PI4K2B: variants seen among roughly 807,000 people sequenced by gnomAD.
PI4K2B encodes the protein phosphatidylinositol 4-kinase type 2 beta, also known as phosphatidylinositol 4-kinase type 2-beta.
In PI4K2B, 46 loss-of-function variants were observed where a neutral mutation model predicts 56.6. That is an observed-to-expected ratio of 0.81 (90% CI 0.64 to 1.04). The LOEUF is 1.04. Among genes scored for constraint, PI4K2B ranks in the 50% least tolerant of loss-of-function variants. The probability of loss-of-function intolerance (pLI) is 0.00; values close to 1 mark genes in which losing one functional copy is unlikely to be tolerated. For synonymous variants in PI4K2B, 211 were observed against 223.8 expected, an observed-to-expected ratio of 0.94 and a Z score of 0.51; for missense variants, 556 against 607.7, an observed-to-expected ratio of 0.91 and a Z score of 0.89.
intron 6 of PI4K2B, among the ~76,000 whole-genome samples, chr4:25,263,498 G>T (rs925179949): frequency 6.6e-6 from 1 of 151,938 alleles, no homozygotes; most frequent in Non-Finnish European, 1.5e-5. Context: ...CTTTTAAAGA[G>T]AAAAAACTTG....
intron 6 of PI4K2B, among the ~76,000 whole-genome samples, chr4:25,261,433 GATATTTAC>G (rs553759240): frequency 6.1e-4 from 93 of 152,202 alleles, no homozygotes; most frequent in Non-Finnish European, 1.3e-3. Flanking sequence ...TGAAGTTTTA[GATATTTAC>G]ATAAGATTTT....
intron 9 of PI4K2B, among the ~76,000 whole-genome samples, chr4:25,272,726 C>G (rs547879660): frequency 6.6e-6 from 1 of 151,922 alleles, no homozygotes; most frequent in African/African-American, 2.4e-5. Context: ...TTGGGCCAGG[C>G]GTGTTGGCTC....
At chr4:25,270,076 A>G (rs1716822735) in intron 9 of PI4K2B, among the ~76,000 whole-genome samples, 1 of 152,140 alleles carries the variant, frequency 6.6e-6, no homozygotes, top group South Asian at 2.1e-4. Flanking sequence ...TTCCCCTGCT[A>G]TGAATTGTTT....
chr4:25,267,668 T>A (rs1420523473), intron 7 of PI4K2B: 13 of 495,660 alleles, frequency 2.6e-5, no homozygotes, highest in Non-Finnish European at 3.1e-5. Flanking sequence ...AACCTTACAC[T>A]CTTGCAGGAA....
intron 7 of PI4K2B, chr4:25,267,619 G>T: frequency 4.9e-6 from 1 of 203,406 alleles, no homozygotes; most frequent in Non-Finnish European, 8.7e-6. Context: ...GATTCTCATT[G>T]GATATGCTCA....
At position 25,263,739 on chromosome 4, in the gene PI4K2B, C is replaced by T; in HGVS notation, c.979-11C>T. On this transcript the variant is annotated splice_polypyrimidine_tract_variant and intron_variant, in intron 6 of 9. Coordinates refer to ENST00000264864, the MANE Select transcript of PI4K2B (RefSeq NM_018323.4). ...GTTCTTTTATCAACATATCATTTTTCTACTCTATAGGAATCAAAATGGATT... is the reference window on the plus strand; with the variant it reads ...GTTCTTTTATCAACATATCATTTTTTTACTCTATAGGAATCAAAATGGATT... The T allele has an allele frequency of 1.0e-6, 1 of 981,896 alleles. No individual in the cohort carries two copies. The highest frequency in any genetic ancestry group is 1.6e-6 in the Non-Finnish European group (1 of 622,326). The allele number at this position is 981,896 out of a possible 1,614,324, so 60.8% of individuals were successfully genotyped here. A position where few individuals can be genotyped will look rare whatever the true frequency, so the allele number is the denominator to read the frequency against.
At chr4:25,244,819 G>T (rs1289897240) in intron 1 of PI4K2B, among the ~76,000 whole-genome samples, 1 of 152,126 alleles carries the variant, frequency 6.6e-6, no homozygotes, top group Admixed American at 6.5e-5. Flanking sequence ...ACCCGCAACG[G>T]TCCCTGGACC....
At chr4:25,263,139 G>A (rs76353265) in intron 6 of PI4K2B, among the ~76,000 whole-genome samples, 2 of 152,096 alleles carry the variant, frequency 1.3e-5, no homozygotes, top group Non-Finnish European at 2.9e-5. Flanking sequence ...CCCATGATCC[G>A]ATTACCTCCA....
At chr4:25,258,410 A>G (rs1264683978) in intron 4 of PI4K2B, 1 of 152,038 alleles carries the variant, frequency 6.6e-6, no homozygotes, top group African/African-American at 2.4e-5. Context: ...GGTTTTTACC[A>G]TGTTGGCCAG....
intron 1 of PI4K2B, among the ~76,000 whole-genome samples, chr4:25,252,042 C>G (rs1271504509): frequency 6.6e-6 from 1 of 152,132 alleles, no homozygotes; most frequent in South Asian, 2.1e-4. Context: ...CCAGGCTGGT[C>G]TTGAACTCTC....
chr4:25,257,425 G>A (rs533597051), intron 4 of PI4K2B, among the ~76,000 whole-genome samples: 2 of 152,126 alleles, frequency 1.3e-5, no homozygotes, highest in South Asian at 4.1e-4. Context: ...CTCTTAGGTT[G>A]TTGTGAGGAG....
At chr4:25,257,810 G>A (rs28571835) in intron 4 of PI4K2B, among the ~76,000 whole-genome samples, 78,755 of 152,040 alleles carry the variant, frequency 0.52, 21,521 homozygotes, top group Non-Finnish European at 0.61. Flanking sequence ...GCTGAAATAA[G>A]TGTGACTAAA....
At chr4:25,251,802 T>C (rs920596649) in intron 1 of PI4K2B, among the ~76,000 whole-genome samples, 4 of 124,768 alleles carry the variant, frequency 3.2e-5, no homozygotes. Context: ...GTTAACTTCC[T>C]CCCATGTTGT....
rs1275838781 is a variant in PI4K2B at position 25,249,413 on chromosome 4, C to T, written c.269-2908C>T. Among the ~76,000 whole-genome samples, 108 of 37,246 alleles carry T rather than the reference C, an allele frequency of 2.9e-3. 2 individuals carry two copies. Among genetic ancestry groups the T allele is most frequent in the Admixed American group, 7.2e-3 (27 of 3,774 alleles). The allele number at this position is 37,246 out of a possible 152,430, so 24.4% of individuals were successfully genotyped here. A position where few individuals can be genotyped will look rare whatever the true frequency, so the allele number is the denominator to read the frequency against. On this transcript the variant is annotated intron_variant, in intron 1 of 9. Coordinates refer to ENST00000264864, the MANE Select transcript of PI4K2B (RefSeq NM_018323.4). ...CGGGCAGAGGCGCCCCTCCACCCCC[C>T]GGACAGGGCGGCTGGCCGGGCGGGG...
intron 1 of PI4K2B, among the ~76,000 whole-genome samples, chr4:25,242,042 C>G (rs1715548122): frequency 6.6e-6 from 1 of 152,170 alleles, no homozygotes; most frequent in Non-Finnish European, 1.5e-5. Flanking sequence ...CCAAGGAACC[C>G]ACTTAACTGT....
intron 1 of PI4K2B, among the ~76,000 whole-genome samples, chr4:25,242,094 T>G (rs1293730456): frequency 6.6e-6 from 1 of 152,232 alleles, no homozygotes; most frequent in African/African-American, 2.4e-5. Flanking sequence ...TAGGCTGTAT[T>G]CGTTCCTTGC....
In PI4K2B at chr4:25,276,886, T is replaced by C. The variant is rs149760993; in HGVS notation, c.1273-128T>C. ...AATACATATTTATAACAGGTACTTA[T>C]CTTCACAGTCTCTGTTGCTCATAAA... On this transcript the variant is annotated intron_variant, in intron 9 of 9. Transcript: ENST00000264864. The C allele has an allele frequency of 1.0e-3, 1,398 of 1,367,162 alleles. 12 individuals carry two copies. In the African/African-American group the frequency reaches 0.018, roughly 18 times the overall value. 84.7% of individuals were successfully genotyped at this position (1,367,162 alleles called of 1,614,324 possible).
chr4:25,245,722 C>T (rs1055667137), intron 1 of PI4K2B, among the ~76,000 whole-genome samples: 4 of 152,058 alleles, frequency 2.6e-5, no homozygotes, highest in Non-Finnish European at 4.4e-5. Flanking sequence ...GAAAGGGGTC[C>T]GATGGCACTC....
chr4:25,262,889 G>C (rs1716528839), intron 6 of PI4K2B, among the ~76,000 whole-genome samples: 1 of 152,156 alleles, frequency 6.6e-6, no homozygotes, highest in African/African-American at 2.4e-5. Flanking sequence ...ACGGCCTACT[G>C]TATTAGTACA....
Sources: allele counts gnomAD v4.1 joint callset (sites outside exome capture counted in the v4.1 genomes callset), GRCh38; gene constraint gnomAD v4.1.1; transcripts MANE v1.5; gene names NCBI Gene and HGNC (gene_info 2026-07-23, HGNC 2026-07-21).